Variants in CSMD2 observed in about 807,000 individuals in gnomAD.
CSMD2 encodes the protein CUB and Sushi multiple domains 2.
Under a neutral mutation model 398.5 loss-of-function variants are expected in CSMD2, and 130 were observed. That is an observed-to-expected ratio of 0.33 (90% CI 0.28 to 0.38). CSMD2 has a LOEUF of 0.38. Ranked by LOEUF, CSMD2 falls within the 10% of genes least tolerant of loss-of-function variation. The pLI, the probability that CSMD2 is intolerant of heterozygous loss-of-function variation, is 1.00. For synonymous variants in CSMD2, 1,828 were observed against 1,908.5 expected (o/e 0.96, Z 1.10); for missense variants, 3,829 against 4,764.9 (o/e 0.80, Z 5.78).
At chr1:33,619,747 T>C (rs972728656) in intron 37 of CSMD2, among the ~76,000 whole-genome samples, 17 of 152,158 alleles carry the variant, frequency 1.1e-4, no homozygotes, top group Admixed American at 2.0e-4. Flanking sequence ...GAGTGTGATA[T>C]TTGGAAATGA....
At chr1:33,555,089 A>G (rs1488002662) in intron 55 of CSMD2, among the ~76,000 whole-genome samples, 7 of 152,220 alleles carry the variant, frequency 4.6e-5, no homozygotes, top group Admixed American at 4.6e-4. Context: ...ATCATTCTAG[A>G]TGCCATTAAG....
At chr1:33,671,951 T>C (rs539812712) in intron 25 of CSMD2, among the ~76,000 whole-genome samples, 3 of 152,144 alleles carry the variant, frequency 2.0e-5, no homozygotes, top group Non-Finnish European at 4.4e-5. Flanking sequence ...TCCCTGCTTA[T>C]AGGCAGTTTA....
intron 1 of CSMD2, among the ~76,000 whole-genome samples, chr1:34,096,029 G>A (rs1000334635): frequency 2.4e-3 from 371 of 151,976 alleles, no homozygotes; most frequent in South Asian, 3.5e-3. Context: ...CTGGCAAACC[G>A]AATCCAGCAG....
Position 33,605,266 on chromosome 1 carries a change from T to C in CSMD2, c.6532+16A>G. 6.2e-7 allele frequency: 1 copy of C among 1,611,874 alleles called. No homozygotes were observed. On this transcript the variant is annotated intron_variant, in intron 42 of 70. Coordinates refer to ENST00000373381, the MANE Select transcript of CSMD2 (RefSeq NM_001281956.2). ...GTACCCCAGGAAGAACTGCTGGGGA[T>C]GAGGGAGCGACATACCTTCACACTT...
At chr1:33,593,724 G>C (rs142770115) in intron 44 of CSMD2, among the ~76,000 whole-genome samples, 21 of 152,298 alleles carry the variant, frequency 1.4e-4, no homozygotes, top group Admixed American at 3.3e-4. Flanking sequence ...TTGAATTTTA[G>C]TAAATTTGCA....
At chr1:33,697,247 G>A (rs1645449139) in intron 24 of CSMD2, among the ~76,000 whole-genome samples, 1 of 152,158 alleles carries the variant, frequency 6.6e-6, no homozygotes, top group Admixed American at 6.5e-5. Context: ...GCATTATACG[G>A]TTGTGTGTTT....
At chr1:33,923,341 C>T (rs986647254) in intron 4 of CSMD2, among the ~76,000 whole-genome samples, 6 of 152,082 alleles carry the variant, frequency 3.9e-5, no homozygotes, top group Admixed American at 2.0e-4. Context: ...GCACCTCTCC[C>T]TCACTCCCTC....
rs779866542 is a variant in CSMD2 at position 33,605,297 on chromosome 1, G to A, written c.6517C>T (p.Leu2173=). The A allele has an allele frequency of 8.1e-6, 13 of 1,614,098 alleles. No homozygotes were observed. In the Admixed American group the frequency reaches 1.0e-4, roughly 12 times the overall value. ...HGTNRNWDHP[L]PKCEVPCGGN... The stretch of plus-strand genomic sequence containing the variant: ...AGCGACATACCTTCACACTTGGGCA[G>A]GGGGTGGTCCCAGTTCCGGTTGGTG... The change falls in exon 42 of 71, where the codon CTG becomes TTG. Residue 2173 remains leucine (L), a synonymous_variant. Transcript: ENST00000373381.
intron 5 of CSMD2, among the ~76,000 whole-genome samples, chr1:33,915,129 T>C (rs10914813): frequency 0.26 from 38,851 of 152,066 alleles, 5,306 homozygotes; most frequent in African/African-American, 0.32. Context: ...AAAGGAATTC[T>C]TGTCTTCTTG....
chr1:33,693,075 G>A lies in CSMD2; in HGVS notation c.3926-19C>T. On this transcript the variant is annotated intron_variant, in intron 24 of 70. Coordinates refer to ENST00000373381, the MANE Select transcript of CSMD2 (RefSeq NM_001281956.2). ...CACTCGGCTGAAAGAAATCCCAAAAGAGTGAGCTTCATGGGGTGGCCTGAG... is the reference window on the plus strand; with the variant it reads ...CACTCGGCTGAAAGAAATCCCAAAAAAGTGAGCTTCATGGGGTGGCCTGAG... 10 of 1,583,948 alleles carry A rather than the reference G, an allele frequency of 6.3e-6. No homozygotes were observed. Among genetic ancestry groups the A allele is most frequent in the Non-Finnish European group, 7.7e-6 (9 of 1,167,332 alleles).
intron 7 of CSMD2, among the ~76,000 whole-genome samples, chr1:33,821,824 G>T (rs1658188097): frequency 6.6e-6 from 1 of 152,200 alleles, no homozygotes; most frequent in Non-Finnish European, 1.5e-5. Flanking sequence ...ATGTGAGGCT[G>T]CCTGGAAGAG....
In CSMD2 at chr1:33,820,021, C is replaced by T. The variant is rs1003734201; in HGVS notation, c.1200-184G>A. 3.3e-5 allele frequency among the ~76,000 whole-genome samples: 5 copies of T among 152,082 alleles called. No homozygotes were observed. In the East Asian group the frequency reaches 5.8e-4, roughly 18 times the overall value. Reference sequence around the variant, plus strand: ...ACATCTGCTCTTCATCTTCTTTTTTCGGACTGTTTAATGGTTTTAGGATTG... The same window carrying T: ...ACATCTGCTCTTCATCTTCTTTTTTTGGACTGTTTAATGGTTTTAGGATTG... On this transcript the variant is annotated intron_variant, in intron 8 of 70. Coordinates refer to ENST00000373381, the MANE Select transcript of CSMD2 (RefSeq NM_001281956.2).
intron 2 of CSMD2, among the ~76,000 whole-genome samples, chr1:34,047,482 CAT>C (rs1193818180): frequency 2.0e-5 from 3 of 152,158 alleles, no homozygotes; most frequent in African/African-American, 4.8e-5. Context: ...TAACACTTAT[CAT>C]AATCTGACTT....
At chr1:34,103,889 G>A (rs1478665937) in intron 1 of CSMD2, among the ~76,000 whole-genome samples, 1 of 152,100 alleles carries the variant, frequency 6.6e-6, no homozygotes, top group African/African-American at 2.4e-5. Flanking sequence ...CATAGGTTTT[G>A]GAAACAAAAG....
At chr1:33,773,732 A>G (rs1426162152) in intron 12 of CSMD2, among the ~76,000 whole-genome samples, 1 of 152,204 alleles carries the variant, frequency 6.6e-6, no homozygotes, top group South Asian at 2.1e-4. Context: ...CAGGATAGAC[A>G]GGAGGTCATG....
chr1:34,025,881 C>T (rs1294155024), intron 3 of CSMD2, among the ~76,000 whole-genome samples: 1 of 152,204 alleles, frequency 6.6e-6, no homozygotes, highest in Non-Finnish European at 1.5e-5. Flanking sequence ...TAAAGCTAGA[C>T]ACACCACGAA....
chr1:33,791,777 C>T (rs1654346094), intron 11 of CSMD2, among the ~76,000 whole-genome samples: 1 of 152,212 alleles, frequency 6.6e-6, no homozygotes, highest in African/African-American at 2.4e-5. Context: ...AATACACCAC[C>T]ACGCTTGGCC....
chr1:34,133,511 A>T lies in CSMD2; in HGVS notation c.187+31400T>A, dbSNP rs114699918. Among the ~76,000 whole-genome samples, 580 of 151,968 alleles carry T rather than the reference A, an allele frequency of 3.8e-3. 6 individuals carry two copies. Among genetic ancestry groups the T allele is most frequent in the South Asian group, 0.018 (88 of 4,794 alleles). On this transcript the variant is annotated intron_variant, in intron 1 of 70. Transcript: ENST00000373381. ...CCAGGCGTGGTGGTGGGTGCCAGTA[A>T]TTCCTGCTACTCTGGAGTCTGAGGC...
intron 10 of CSMD2, among the ~76,000 whole-genome samples, chr1:33,792,961 C>T (rs907517331): frequency 4.6e-5 from 7 of 152,062 alleles, no homozygotes; most frequent in African/African-American, 1.7e-4. Context: ...TTTTCTCCAT[C>T]CTTTTTGTTT....
Sources: allele counts gnomAD v4.1 joint callset (sites outside exome capture counted in the v4.1 genomes callset), GRCh38; gene constraint gnomAD v4.1.1; transcripts MANE v1.5; gene names NCBI Gene and HGNC (gene_info 2026-07-23, HGNC 2026-07-21).